MTFR1: variants seen among roughly 807,000 people sequenced by gnomAD.
MTFR1 encodes chondrocyte protein with a poly-proline region.
A neutral mutation model predicts 38.8 loss-of-function variants in MTFR1; 28 were observed. The ratio of observed to expected loss-of-function variants is 0.72; its 90% CI spans 0.53 to 0.99. The LOEUF (loss-of-function observed/expected upper bound fraction) is 0.99, where lower values mean the gene tolerates loss of function less well. MTFR1 is among the 50% of genes least tolerant of loss of function. The pLI is 0.00. For synonymous variants in MTFR1, 145 were observed against 137.0 expected (o/e 1.06, Z -0.41); for missense variants, 358 against 395.5 (o/e 0.91, Z 0.81).
At position 65,708,961 on chromosome 8, in the gene MTFR1, T is replaced by C. The variant is rs372336344; in HGVS notation, c.934-15T>C. ...TGAACCAATATCTTTATTTATACTTTTTGTTTGTTTCTAGTTTGGGCCACA... is the reference window on the plus strand; with the variant it reads ...TGAACCAATATCTTTATTTATACTTCTTGTTTGTTTCTAGTTTGGGCCACA... On this transcript the variant is annotated splice_polypyrimidine_tract_variant and intron_variant, in intron 7 of 7. Transcript: ENST00000262146. The C allele has an allele frequency of 6.2e-6, 10 of 1,612,900 alleles. No individual in the cohort carries two copies. The highest frequency in any genetic ancestry group is 8.5e-6 in the Non-Finnish European group (10 of 1,179,026).
intron 3 of MTFR1, chr8:65,727,321 T>A (rs1379976525): frequency 1.9e-6 from 3 of 1,612,306 alleles, no homozygotes; most frequent in Non-Finnish European, 2.5e-6. Context: ...GACAAAAGAA[T>A]AATGAATCAC....
At chr8:65,647,535 C>G (rs187460929) in intron 1 of MTFR1, among the ~76,000 whole-genome samples, 19 of 152,298 alleles carry the variant, frequency 1.2e-4, no homozygotes, top group African/African-American at 4.6e-4. Flanking sequence ...GTCTTGAACT[C>G]CTGACCTCAG....
intron 3 of MTFR1, among the ~76,000 whole-genome samples, chr8:65,766,246 G>A (rs1029855275): frequency 2.6e-5 from 4 of 152,098 alleles, no homozygotes; most frequent in Non-Finnish European, 4.4e-5. Flanking sequence ...ATGCCCAGCC[G>A]AGATGAATTT....
In MTFR1 at chr8:65,709,250, A is replaced by T. The variant is rs1212931588; in HGVS notation, c.*206A>T. The T allele has an allele frequency of 3.7e-6, 2 of 536,502 alleles. No homozygotes were observed. Among genetic ancestry groups the T allele is most frequent in the Non-Finnish European group, 6.7e-6 (2 of 298,822 alleles). 33.2% of individuals were successfully genotyped at this position (536,502 alleles called of 1,614,324 possible). On this transcript the variant is annotated 3_prime_UTR_variant, in exon 8 of 8. Transcript: ENST00000262146. ...GGTCAGCTTTGGTGCTCTCCACAAC[A>T]TGTGTGTTCTGACATGTTTCTAATA...
chr8:65,705,555 C>T (rs1281368037), intron 5 of MTFR1, among the ~76,000 whole-genome samples: 1 of 152,146 alleles, frequency 6.6e-6, no homozygotes, highest in East Asian at 1.9e-4. Context: ...TGGCACCAAC[C>T]ATATCAGACA....
downstream of MTFR1, among the ~76,000 whole-genome samples, chr8:65,772,192 G>C (rs1213084437): frequency 2.0e-5 from 3 of 152,140 alleles, no homozygotes; most frequent in Non-Finnish European, 4.4e-5. Flanking sequence ...AAAATAAGTG[G>C]GTTGAGGAGC....
downstream of MTFR1, among the ~76,000 whole-genome samples, chr8:65,714,951 C>T (rs940389288): frequency 6.6e-6 from 1 of 152,098 alleles, no homozygotes; most frequent in Non-Finnish European, 1.5e-5. Context: ...ACAGTGAGTA[C>T]AAATATTGAC....
Position 65,701,584 on chromosome 8 carries a change from A to T in MTFR1, c.282-3110A>T, listed in dbSNP as rs1238487291. Among the ~76,000 whole-genome samples, 3 of 152,236 alleles carry T rather than the reference A, an allele frequency of 2.0e-5. No homozygotes were observed. In the East Asian group the frequency reaches 5.8e-4, roughly 29 times the overall value. Reference sequence around the variant, plus strand: ...CATAGGGCTTAAAAATGTTTCGGATAGCTGTTTTCCTTATCCTAGGATGCT... The same window carrying T: ...CATAGGGCTTAAAAATGTTTCGGATTGCTGTTTTCCTTATCCTAGGATGCT... On this transcript the variant is annotated intron_variant, in intron 4 of 7. Coordinates refer to ENST00000262146, the MANE Select transcript of MTFR1 (RefSeq NM_014637.4).
chr8:65,692,180 C>T (rs1169947733), intron 3 of MTFR1, among the ~76,000 whole-genome samples: 1 of 151,980 alleles, frequency 6.6e-6, no homozygotes, highest in Non-Finnish European at 1.5e-5. Context: ...TTTATTTAAA[C>T]CTCACTCATA....
At chr8:65,745,232 A>G (rs922734185) in intron 3 of MTFR1, among the ~76,000 whole-genome samples, 5 of 152,170 alleles carry the variant, frequency 3.3e-5, no homozygotes, top group African/African-American at 1.2e-4. Flanking sequence ...CTTTTTCTCA[A>G]TTACCCAGTC....
chr8:65,649,792 AC>A (rs368731999), intron 1 of MTFR1, among the ~76,000 whole-genome samples: 1 of 84,924 alleles, frequency 1.2e-5, no homozygotes, highest in Non-Finnish European at 2.4e-5. Context: ...ATCTCCCCCC[AC>A]CCCCCCACAC....
intron 1 of MTFR1, among the ~76,000 whole-genome samples, chr8:65,656,960 A>G (rs751582560): frequency 4.0e-5 from 6 of 151,558 alleles, no homozygotes; most frequent in African/African-American, 7.3e-5. Context: ...GTAACTTTCA[A>G]CTGAATACTT....
At chr8:65,747,691 G>C (rs752352904) in intron 3 of MTFR1, 3 of 1,611,084 alleles carry the variant, frequency 1.9e-6, no homozygotes, top group Non-Finnish European at 2.5e-6. Flanking sequence ...AAATGTTTAG[G>C]GAATTTGAAA....
intron 3 of MTFR1, among the ~76,000 whole-genome samples, chr8:65,740,463 C>T (rs1427904220): frequency 2.6e-5 from 4 of 151,972 alleles, no homozygotes; most frequent in Non-Finnish European, 4.4e-5. Flanking sequence ...TACAATGGTG[C>T]GATCTTGGCT....
intron 3 of MTFR1, chr8:65,723,513 C>G: frequency 1.4e-6 from 2 of 1,432,178 alleles, no homozygotes; most frequent in Non-Finnish European, 1.8e-6. Flanking sequence ...ATTTTTCTAA[C>G]CAGCTATATC....
At chr8:65,659,720 G>A (rs2129048759) in intron 1 of MTFR1, among the ~76,000 whole-genome samples, 1 of 152,258 alleles carries the variant, frequency 6.6e-6, no homozygotes, top group South Asian at 2.1e-4. Context: ...AGAGAAAGTT[G>A]AGTTTGAGAA....
chr8:65,723,788 T>C lies in MTFR1; in HGVS notation c.*48+4307T>C, dbSNP rs1256660350. On this transcript the variant is annotated intron_variant, in intron 3 of 3. Coordinates refer to the MTFR1 transcript ENST00000521247. ...TTTAAAATTTTAAGTTATTTACACA[T>C]AGAAGAGATTGCCAAGCTGATATTT... Among the ~76,000 whole-genome samples, 5 of 152,314 alleles carry C rather than the reference T, an allele frequency of 3.3e-5. No individual in the cohort carries two copies. In the East Asian group the frequency reaches 7.7e-4, roughly 23 times the overall value.
intron 1 of MTFR1, among the ~76,000 whole-genome samples, chr8:65,659,958 T>C (rs1248363979): frequency 6.6e-6 from 1 of 152,154 alleles, no homozygotes; most frequent in Non-Finnish European, 1.5e-5. Flanking sequence ...CATCTTTTCC[T>C]GGCAAATAAG....
exon 3 of MTFR1, chr8:65,719,405 C>T: frequency 6.2e-7 from 1 of 1,614,048 alleles, no homozygotes; most frequent in Non-Finnish European, 8.5e-7. Flanking sequence ...TTTATTCAGC[C>T]CCACGTGTCC....
Sources: gnomAD v4.1 joint callset for allele counts (sites outside exome capture counted in the v4.1 genomes callset) on GRCh38, gnomAD v4.1.1 for gene constraint, MANE v1.5 for transcripts, NCBI Gene and HGNC (gene_info 2026-07-23, HGNC 2026-07-21) for gene names.